FOCAD: variants seen among roughly 807,000 people sequenced by gnomAD.
FOCAD encodes KIAA1797.
In FOCAD, 198 loss-of-function variants were observed where a neutral mutation model predicts 225.6. That is an observed-to-expected ratio of 0.88 (90% confidence interval 0.78 to 0.99). FOCAD has a LOEUF of 0.99. FOCAD is among the 50% of genes least tolerant of loss of function. The pLI is 0.00. For missense variants in FOCAD, 2,713 were observed against 2,123.6 expected (o/e 1.28, Z -5.46); for synonymous variants, 897 against 755.0 (o/e 1.19, Z -3.08).
chr9:20,898,374 C>T (rs1263972964), intron 21 of FOCAD, among the ~76,000 whole-genome samples: 1 of 151,236 alleles, frequency 6.6e-6, no homozygotes, highest in African/African-American at 2.4e-5. Context: ...TATGTTATAA[C>T]TTTTGTAGTT....
At chr9:20,738,445 G>C (rs1305576204) in intron 4 of FOCAD, among the ~76,000 whole-genome samples, 1 of 152,172 alleles carries the variant, frequency 6.6e-6, no homozygotes, top group African/African-American at 2.4e-5. Flanking sequence ...ATCTTGATTT[G>C]ACATCCATTG....
chr9:20,944,642 G>A lies in FOCAD; in HGVS notation c.3423G>A (p.Leu1141=). 1.2e-6 allele frequency: 2 copies of A among 1,613,546 alleles called. No individual in the cohort carries two copies. Among genetic ancestry groups the A allele is most frequent in the Non-Finnish European group, 1.7e-6 (2 of 1,179,662 alleles). The change falls in exon 29 of 44, where the codon TTG becomes TTA. Residue 1141 remains leucine (L), a synonymous_variant. Transcript: ENST00000338382. ...GGCTTCCAAGCACGGGCTGTATATTGGGAGTTGGACTTGTTCTGTCCCTCA... is the reference window on the plus strand; with the variant it reads ...GGCTTCCAAGCACGGGCTGTATATTAGGAGTTGGACTTGTTCTGTCCCTCA... ...TSLEYNTGCI[L]GVGLVLSLMS...
intron 2 of FOCAD, among the ~76,000 whole-genome samples, chr9:20,659,394 G>C (rs1416609264): frequency 1.3e-5 from 1 of 76,640 alleles, no homozygotes. Flanking sequence ...GTGACAGAGT[G>C]ACTCCATCTA....
At chr9:20,825,620 C>T (rs1587316628) in intron 15 of FOCAD, among the ~76,000 whole-genome samples, 1 of 151,800 alleles carries the variant, frequency 6.6e-6, no homozygotes, top group Admixed American at 6.6e-5. Flanking sequence ...GGAAAAGTAC[C>T]CAGAATTGGA....
rs200564255 is a variant in FOCAD at position 20,936,706 on chromosome 9, G to A, written c.3407+3603G>A. 1.1e-4 allele frequency among the ~76,000 whole-genome samples: 16 copies of A among 152,102 alleles called. 1 individual carries two copies. The South Asian group carries it at 2.3e-3, about 22-fold the overall frequency. ...CAGGGATGCCCTCTCTCACCACCCCGATTCAACATAGTGTTGGAAGTTCTG... is the reference window on the plus strand; with the variant it reads ...CAGGGATGCCCTCTCTCACCACCCCAATTCAACATAGTGTTGGAAGTTCTG... On this transcript the variant is annotated intron_variant, in intron 28 of 43. Coordinates refer to ENST00000338382, the MANE Select transcript of FOCAD (RefSeq NM_001375567.1).
chr9:20,841,819 T>C (rs1826558978), intron 15 of FOCAD, among the ~76,000 whole-genome samples: 1 of 151,918 alleles, frequency 6.6e-6, no homozygotes, highest in African/African-American at 2.4e-5. Context: ...CTTGCTTTTC[T>C]AGTTCTTTGA....
At chr9:20,827,321 A>G (rs1428640808) in intron 15 of FOCAD, among the ~76,000 whole-genome samples, 1 of 152,118 alleles carries the variant, frequency 6.6e-6, no homozygotes, top group East Asian at 1.9e-4. Flanking sequence ...TTTTGTAAGT[A>G]GCTTCTTTCA....
At chr9:20,861,293 T>C (rs545081420) in intron 15 of FOCAD, among the ~76,000 whole-genome samples, 6 of 152,338 alleles carry the variant, frequency 3.9e-5, no homozygotes, top group Non-Finnish European at 8.8e-5. Context: ...CTGTGAGTAT[T>C]ATGTACCACT....
chr9:20,798,200 C>T lies in FOCAD; in HGVS notation c.1455+8592C>T, dbSNP rs551133204. ...CCTTGCATCCTAGGGATGAAGCCCA[C>T]TTGATCATGGTGGTTAAGCTTTTTG... On this transcript the variant is annotated intron_variant, in intron 11 of 43. Transcript: ENST00000338382. Among the ~76,000 whole-genome samples the T allele has an allele frequency of 2.6e-5, 4 of 152,276 alleles. No homozygotes were observed. The South Asian group carries it at 6.2e-4, about 24-fold the overall frequency.
rs143858148 is a variant in FOCAD at position 20,785,826 on chromosome 9, G to T, written c.1198-3525G>T. ...TCTATGTTTCACAGTTTGGGGGAAT[G>T]GCCAGATTGTTTTCCAAAGGGGCTG... On this transcript the variant is annotated intron_variant, in intron 10 of 43. Coordinates refer to ENST00000338382, the MANE Select transcript of FOCAD (RefSeq NM_001375567.1). Among the ~76,000 whole-genome samples the T allele has an allele frequency of 4.1e-4, 63 of 152,252 alleles. No homozygotes were observed. The East Asian group carries it at 5.8e-3, about 14-fold the overall frequency.
chr9:20,857,785 GT>G (rs35820198), intron 15 of FOCAD, among the ~76,000 whole-genome samples: 23 of 106,060 alleles, frequency 2.2e-4, no homozygotes, highest in South Asian at 1.5e-3. Flanking sequence ...TTTTTTTTGA[GT>G]TTTTTTTTTT....
chr9:20,850,364 G>C (rs1396721705), intron 15 of FOCAD, among the ~76,000 whole-genome samples: 1 of 151,648 alleles, frequency 6.6e-6, no homozygotes, highest in African/African-American at 2.4e-5. Flanking sequence ...TCACATGACA[G>C]AAATACACTG....
chr9:20,923,873 A>G (rs1834695965), intron 25 of FOCAD, 105 bp downstream of exon 25: 5 of 813,382 alleles, frequency 6.1e-6, no homozygotes, highest in South Asian at 1.5e-5. Flanking sequence ...TGATTATGGC[A>G]CCAAGTTATA....
chr9:20,851,489 G>A (rs1451913054), intron 15 of FOCAD, among the ~76,000 whole-genome samples: 1 of 151,816 alleles, frequency 6.6e-6, no homozygotes, highest in Non-Finnish European at 1.5e-5. Flanking sequence ...AACAATTCAA[G>A]TCAAATCCAG....
At chr9:20,953,465 A>G (rs1587707966) in intron 35 of FOCAD, among the ~76,000 whole-genome samples, 1 of 152,178 alleles carries the variant, frequency 6.6e-6, no homozygotes, top group East Asian at 1.9e-4. Flanking sequence ...TGCATCTTTT[A>G]TAATCATTCT....
At chr9:20,858,922 T>C (rs1828490173) in intron 15 of FOCAD, among the ~76,000 whole-genome samples, 1 of 152,230 alleles carries the variant, frequency 6.6e-6, no homozygotes, top group Admixed American at 6.5e-5. Flanking sequence ...GATTTCTAGT[T>C]TTATTCCATT....
intron 12 of FOCAD, 109 bp downstream of exon 12, chr9:20,820,009 A>G (rs1035711736): frequency 6.5e-6 from 4 of 612,460 alleles, no homozygotes; most frequent in Non-Finnish European, 1.1e-5. Context: ...CATAGTCACT[A>G]CTTCTCTTGT....
chr9:20,913,983 G>T (rs118094693), intron 23 of FOCAD, among the ~76,000 whole-genome samples: 1 of 151,834 alleles, frequency 6.6e-6, no homozygotes, highest in African/African-American at 2.4e-5. Context: ...GAATGATTTC[G>T]GCTGGATGTG....
At chr9:20,687,591 C>G (rs954256135) in intron 1 of FOCAD, among the ~76,000 whole-genome samples, 4 of 152,148 alleles carry the variant, frequency 2.6e-5, no homozygotes, top group African/African-American at 9.7e-5. Context: ...TTAGGACATA[C>G]ACGTGGAGAA....
Sources: gnomAD v4.1 joint callset for allele counts (sites outside exome capture counted in the v4.1 genomes callset) on GRCh38, gnomAD v4.1.1 for gene constraint, MANE v1.5 for transcripts, NCBI Gene and HGNC (gene_info 2026-07-23, HGNC 2026-07-21) for gene names.